Variants in PLOD1 observed in about 807,000 individuals in gnomAD.
The protein encoded by PLOD1 is procollagen-lysine,2-oxoglutarate 5-dioxygenase 1.
PLOD1 carries 70 observed loss-of-function variants against 94.7 expected under a neutral mutation model. The observed-to-expected ratio is 0.74, with a 90% confidence interval of 0.61 to 0.90. The LOEUF (loss-of-function observed/expected upper bound fraction) is 0.90. Ranked by LOEUF, PLOD1 falls within the 40% of genes least tolerant of loss-of-function variation. The probability of loss-of-function intolerance (pLI) is 0.00; values close to 1 mark genes in which losing one functional copy is unlikely to be tolerated. For synonymous variants in PLOD1, 417 were observed against 400.2 expected, an observed-to-expected ratio of 1.04 and a Z score of -0.50; for missense variants, 905 against 972.7, an observed-to-expected ratio of 0.93 and a Z score of 0.93.
chr1:11,940,561 C>A (rs922368838), intron 1 of PLOD1, among the ~76,000 whole-genome samples: 2 of 152,208 alleles, frequency 1.3e-5, no homozygotes, highest in African/African-American at 4.8e-5. Context: ...AAAACTGAGG[C>A]ACGGAGAGGC....
rs141602332 is a variant in PLOD1 at position 11,961,733 on chromosome 1, C to A, written c.1097+966C>A. 6.6e-3 allele frequency among the ~76,000 whole-genome samples: 1,009 copies of A among 152,266 alleles called. 9 individuals carry two copies. Among genetic ancestry groups the A allele is most frequent in the African/African-American group, 0.023 (958 of 41,532 alleles). On this transcript the variant is annotated intron_variant, in intron 10 of 18. Coordinates refer to ENST00000196061, the MANE Select transcript of PLOD1 (RefSeq NM_000302.4). ...CAAGTGATCCTCCTGCCTCAGCCCC[C>A]CAAGAAGCTGGGACTACAGGCATGT... is the stretch of plus-strand genomic sequence containing the variant.
At chr1:11,940,735 A>C (rs896600904) in intron 1 of PLOD1, among the ~76,000 whole-genome samples, 5 of 152,202 alleles carry the variant, frequency 3.3e-5, no homozygotes, top group Admixed American at 6.5e-5. Flanking sequence ...GCCTTAGCCC[A>C]AGGCAGCTGG....
rs748344499 is a variant in PLOD1 at position 11,960,697 on chromosome 1, G to A, written c.1027G>A (p.Glu343Lys). ...AGAGTTCCTGGCACAGCATGGCAGC[G>A]AGTACCAGTCTGTGAAGCTGGTGGG... ...VEEFLAQHGS[E>K]YQSVKLVGPE... Residue 343 changes from glutamate to lysine, a missense_variant, in exon 10 of 19, where the codon GAG (glutamate) becomes AAG (lysine). Transcript: ENST00000196061. 1.8e-5 allele frequency: 29 copies of A among 1,613,300 alleles called. No homozygotes were observed. Among genetic ancestry groups the A allele is most frequent in the East Asian group, 4.5e-5 (2 of 44,896 alleles).
At chr1:11,943,233 C>T (rs1217496425) in intron 1 of PLOD1, among the ~76,000 whole-genome samples, 2 of 151,866 alleles carry the variant, frequency 1.3e-5, no homozygotes, top group East Asian at 3.9e-4. Flanking sequence ...CATGATCCAC[C>T]TGCCTTGGCC....
Position 11,957,778 on chromosome 1 carries a change from G to T in PLOD1, c.742-64G>T. Reference sequence around the variant, plus strand: ...TGACCCACTGGGGGCCCAGGGAGATGTGAGTCAGGGCTATGGCAGGTGGGG... The same window carrying T: ...TGACCCACTGGGGGCCCAGGGAGATTTGAGTCAGGGCTATGGCAGGTGGGG... On this transcript the variant is annotated intron_variant, in intron 7 of 18. Coordinates refer to ENST00000196061, the MANE Select transcript of PLOD1 (RefSeq NM_000302.4). The surrounding 1 kb of genome is among the most constrained non-coding windows in gnomAD (Gnocchi z 4.1). 1 of 1,089,300 alleles carries T rather than the reference G, an allele frequency of 9.2e-7. No individual in the cohort carries two copies. Among genetic ancestry groups the T allele is most frequent in the South Asian group, 1.2e-5 (1 of 80,458 alleles). 67.5% of individuals were successfully genotyped at this position (1,089,300 alleles called of 1,614,324 possible).
In PLOD1 at chr1:11,952,608, C is replaced by A; in HGVS notation, c.467-15C>A. The A allele has an allele frequency of 6.3e-7, 1 of 1,592,548 alleles. No homozygotes were observed. Among genetic ancestry groups the A allele is most frequent in the Non-Finnish European group, 8.6e-7 (1 of 1,160,352 alleles). On this transcript the variant is annotated splice_polypyrimidine_tract_variant and intron_variant, in intron 4 of 18. Transcript: ENST00000196061. The stretch of plus-strand genomic sequence containing the variant: ...CTAAGGGTCCGTCTTGGTGTCCCCA[C>A]CCACCAACCTTCAGGCTTCATCGGT...
At chr1:11,944,438 CA>C in intron 1 of PLOD1, 2 of 796,950 alleles carry the variant, frequency 2.5e-6, no homozygotes, top group Non-Finnish European at 3.7e-6. Flanking sequence ...CACACACACA[CA>C]CACACACACA....
intron 2 of PLOD1, 102 bp from the exon 3 acceptor site, chr1:11,949,671 C>T (rs530129382): frequency 8.1e-6 from 10 of 1,227,264 alleles, no homozygotes; most frequent in South Asian, 1.3e-5. Context: ...CCACACGTCT[C>T]GGCCTCCCAA....
intron 9 of PLOD1, among the ~76,000 whole-genome samples, chr1:11,959,351 T>C (rs1452808491): frequency 6.6e-6 from 1 of 152,136 alleles, no homozygotes; most frequent in East Asian, 1.9e-4. Flanking sequence ...TCTAGTTGCT[T>C]CTAACTGTTG....
Position 11,963,043 on chromosome 1 carries a change from A to AAAAAT in PLOD1, c.1098-474_1098-470dup, listed in dbSNP as rs145828169. Among the ~76,000 whole-genome samples, 1 of 152,012 alleles carries AAAAAT rather than the reference A, an allele frequency of 6.6e-6. No homozygotes were observed. The highest frequency in any genetic ancestry group is 1.5e-5 in the Non-Finnish European group (1 of 68,000). ...GCAACAGAGTGAGACTCGTTCTCAA[A>AAAAAT]AAAATAAAATAAAATAAAAATAAAA... On this transcript the variant is annotated intron_variant, in intron 10 of 18. Transcript: ENST00000196061. This position sits in a 1 kb window ranked among gnomAD's most constrained non-coding sequence, Gnocchi z 4.3.
At chr1:11,970,577 C>A in intron 16 of PLOD1, 93 bp from the exon 17 acceptor site, 1 of 1,166,478 alleles carries the variant, frequency 8.6e-7, no homozygotes, top group Non-Finnish European at 1.3e-6. Context: ...GTAATGTGGT[C>A]CGGTCACATT....
Position 11,970,676 on chromosome 1 carries a change from C to G in PLOD1, c.1762C>G (p.Arg588Gly), listed in dbSNP as rs367844314. 39 of 1,613,174 alleles carry G rather than the reference C, an allele frequency of 2.4e-5. No individual in the cohort carries two copies. The South Asian group carries it at 4.1e-4, about 17-fold the overall frequency. Residue 588 changes from arginine (R) to glycine (G), a missense_variant, in exon 17 of 19, where the codon CGC becomes GGC. By Grantham distance (125) the Arg-to-Gly change is moderately radical (BLOSUM62 -2). Transcript: ENST00000196061. Reference sequence around the variant, plus strand: ...TCACCTCGGTCACCTCCAGGACAACCGCATCCAGGGTGGCTACGAGAACGT... The same window carrying G: ...TCACCTCGGTCACCTCCAGGACAACGGCATCCAGGGTGGCTACGAGAACGT... ...QWSLGNNKDN[R>G]IQGGYENVPT...
At chr1:11,955,951 A>G (rs1224431846) in intron 6 of PLOD1, among the ~76,000 whole-genome samples, 2 of 152,088 alleles carry the variant, frequency 1.3e-5, no homozygotes, top group African/African-American at 2.4e-5. Context: ...AAATAGAGAC[A>G]GGGTCTCACT....
chr1:11,947,385 C>T (rs944326757), intron 1 of PLOD1, among the ~76,000 whole-genome samples: 53 of 152,236 alleles, frequency 3.5e-4, no homozygotes, highest in African/African-American at 1.1e-3. Context: ...GCCTGGCCAA[C>T]GTGGCAAAGC....
At chr1:11,967,632 G>T (rs1465495548) in intron 16 of PLOD1, among the ~76,000 whole-genome samples, 22 of 85,072 alleles carry the variant, frequency 2.6e-4, no homozygotes, top group East Asian at 9.0e-4. Flanking sequence ...AATATATATA[G>T]ATTTTATTTA....
chr1:11,958,484 G>C lies in PLOD1; in HGVS notation c.844-32G>C, dbSNP rs200748587. ...AGTGGCAGTGCTGTGACTGGACACT[G>C]CTGGACTCTTGTGCCGCCCTCCCTG... is the stretch of plus-strand genomic sequence containing the variant. On this transcript the variant is annotated intron_variant, in intron 8 of 18. Transcript: ENST00000196061. The surrounding 1 kb of genome is among the most constrained non-coding windows in gnomAD (Gnocchi z 4.3). 278 of 1,611,914 alleles carry C rather than the reference G, an allele frequency of 1.7e-4. No homozygotes were observed. In the African/African-American group the frequency reaches 3.3e-3, roughly 19 times the overall value.
chr1:11,953,165 C>T (rs1294014025), intron 5 of PLOD1, among the ~76,000 whole-genome samples: 1 of 152,096 alleles, frequency 6.6e-6, no homozygotes, highest in South Asian at 2.1e-4. Context: ...AAGCGATTCT[C>T]GAGCCTCAGC....
At chr1:11,952,355 G>A (rs1645709056) in intron 4 of PLOD1, among the ~76,000 whole-genome samples, 1 of 152,162 alleles carries the variant, frequency 6.6e-6, no homozygotes, top group African/African-American at 2.4e-5. Context: ...CACCTATATG[G>A]TGCCCAGCAC....
rs940338820 is a variant in PLOD1, at chr1:11,963,864, TCTC to T, written c.1202+238_1202+240del. Among the ~76,000 whole-genome samples the T allele has an allele frequency of 6.6e-6, 1 of 150,502 alleles. No homozygotes were observed. Among genetic ancestry groups the T allele is most frequent in the Admixed American group, 6.6e-5 (1 of 15,102 alleles). On this transcript the variant is annotated intron_variant, in intron 11 of 18. Coordinates refer to ENST00000196061, the MANE Select transcript of PLOD1 (RefSeq NM_000302.4). This position sits in a 1 kb window ranked among gnomAD's most constrained non-coding sequence, Gnocchi z 4.3. The stretch of plus-strand genomic sequence containing the variant: ...TCCTCCTCGTCTTCCTCATCCTCTT[TCTC>T]CTCCTCCTCTTCCTCCTCCTCCTTG...
Sources: allele counts gnomAD v4.1 joint callset (sites outside exome capture counted in the v4.1 genomes callset), GRCh38; gene constraint gnomAD v4.1.1; non-coding constraint Gnocchi (gnomAD v3.1); transcripts MANE v1.5; gene names NCBI Gene and HGNC (gene_info 2026-07-23, HGNC 2026-07-21).